The following RAPGEF6 variants were observed in gnomAD, a reference collection of about 807,000 sequenced individuals.
The protein encoded by RAPGEF6 is PDZ domain containing guanine nucleotide exchange factor (GEF) 2.
RAPGEF6 carries 56 observed loss-of-function variants against 171.4 expected under a neutral mutation model. The observed-to-expected ratio is 0.33, with a 90% confidence interval of 0.26 to 0.41. RAPGEF6 has a LOEUF of 0.41. Among genes scored for constraint, RAPGEF6 ranks in the 10% least tolerant of loss-of-function variants. RAPGEF6 has a pLI of 1.00. For synonymous variants in RAPGEF6, 692 were observed against 650.1 expected, an observed-to-expected ratio of 1.06 and a Z score of -0.98; for missense variants, 1,674 against 1,921.4, an observed-to-expected ratio of 0.87 and a Z score of 2.41.
rs1421893250 is a variant in RAPGEF6 at position 131,592,375 on chromosome 5, A to G, written c.281+8T>C. ...ACTTTGCCTGCCATATAGCAAATGT[A>G]AACGTACCTGCAAGGAGGCAAGACC... On this transcript the variant is annotated splice_region_variant and intron_variant, in intron 4 of 27. Transcript: ENST00000509018. The G allele has an allele frequency of 6.2e-7, 1 of 1,612,790 alleles. No individual in the cohort carries two copies. Among genetic ancestry groups the G allele is most frequent in the African/African-American group, 1.3e-5 (1 of 74,910 alleles).
chr5:131,510,586 TAA>T (rs1757654983), intron 7 of RAPGEF6, 95 bp from the exon 8 acceptor site: 4 of 1,206,308 alleles, frequency 3.3e-6, no homozygotes, highest in Middle Eastern at 2.2e-4. Flanking sequence ...CTACAAAATA[TAA>T]AAGACTTGGG....
intron 5 of RAPGEF6, among the ~76,000 whole-genome samples, chr5:131,548,908 A>G (rs1001210234): frequency 3.4e-5 from 5 of 148,214 alleles, no homozygotes; most frequent in East Asian, 1.9e-4. Context: ...CTACAGGGGG[A>G]AAAAAATAAG....
rs777875874 is a variant in RAPGEF6, at chr5:131,461,734, C to G, written c.2835G>C (p.Lys945Asn). The G allele has an allele frequency of 1.6e-5, 25 of 1,601,760 alleles. No individual in the cohort carries two copies. The highest frequency in any genetic ancestry group is 2.1e-5 in the Non-Finnish European group (25 of 1,170,442). The change falls in exon 19 of 28, where the codon AAG becomes AAC. Residue 945 changes from lysine to asparagine, a missense_variant. Physicochemically the swap from Lys to Asn is moderately conservative, Grantham distance 94 (BLOSUM62 0). Around this residue, in one of 3 missense-constraint regions of RAPGEF6, gnomAD observed 1,116 missense variants for 1,321.5 expected, o/e 0.84. Transcript: ENST00000509018. ...TTATTGCAAACATGGAATTGAAGTT[C>G]TTACATTCTCGACAATGAAGTGCAA... ...IKIALHCREC[K>N]NFNSMFAIIS...
chr5:131,551,178 G>A (rs1266478011), intron 5 of RAPGEF6, among the ~76,000 whole-genome samples: 1 of 152,124 alleles, frequency 6.6e-6, no homozygotes, highest in Non-Finnish European at 1.5e-5. Context: ...CTATTACATA[G>A]CTACTTTTCC....
intron 4 of RAPGEF6, among the ~76,000 whole-genome samples, chr5:131,579,002 A>C (rs1762767579): frequency 6.6e-6 from 1 of 152,058 alleles, no homozygotes; most frequent in Admixed American, 6.5e-5. Context: ...TGAGTGTTAC[A>C]GTTCTTAAAG....
intron 17 of RAPGEF6, chr5:131,469,925 G>T: frequency 2.5e-6 from 2 of 815,256 alleles, no homozygotes; most frequent in Non-Finnish European, 3.8e-6. Flanking sequence ...CTTTGAAAAT[G>T]AAGGATAAAT....
intron 4 of RAPGEF6, among the ~76,000 whole-genome samples, chr5:131,571,212 G>A (rs1762259864): frequency 1.3e-5 from 2 of 151,966 alleles, no homozygotes; most frequent in Admixed American, 6.6e-5. Flanking sequence ...AAAATGCTGC[G>A]ATTACAGGTG....
At chr5:131,578,083 T>C (rs187295709) in intron 4 of RAPGEF6, among the ~76,000 whole-genome samples, 1 of 152,212 alleles carries the variant, frequency 6.6e-6, no homozygotes. Flanking sequence ...TAACTGATTA[T>C]CTTCTGGTTT....
intron 6 of RAPGEF6, among the ~76,000 whole-genome samples, chr5:131,529,425 G>C (rs917204246): frequency 6.6e-6 from 1 of 150,476 alleles, no homozygotes; most frequent in Admixed American, 6.6e-5. Flanking sequence ...GCAGTGAGCG[G>C]AGATTGCACC....
chr5:131,635,011 G>A lies in RAPGEF6; in HGVS notation c.20C>T (p.Pro7Leu). 1 of 1,612,892 alleles carries A rather than the reference G, an allele frequency of 6.2e-7. No individual in the cohort carries two copies. The highest frequency in any genetic ancestry group is 8.5e-7 in the Non-Finnish European group (1 of 1,179,096). The change falls in exon 1 of 28, where the codon CCT becomes CTT. Residue 7 changes from proline (P) to leucine (L), a missense_variant. Physicochemically the swap from Pro to Leu is moderately conservative, Grantham distance 98. Around this residue, in one of 3 missense-constraint regions of RAPGEF6, gnomAD observed 1,116 missense variants for 1,321.5 expected, o/e 0.84. Coordinates refer to ENST00000509018, the MANE Select transcript of RAPGEF6 (RefSeq NM_016340.6). ...CTTCCTCAACGCCTGCCTAGCGCCA[G>A]GGTCCACGGGTGAGTTCATGGCCAC... MNSPVDPGARQALRKKP... is the reference protein window; with the variant it reads MNSPVDLGARQALRKKP...
rs1349879765 is a variant in RAPGEF6 at position 131,635,228 on chromosome 5, C to T, written c.-198G>A. The T allele has an allele frequency of 1.8e-6, 1 of 559,912 alleles. No individual in the cohort carries two copies. Among genetic ancestry groups the T allele is most frequent in the East Asian group, 3.1e-5 (1 of 32,404 alleles). The allele number at this position is 559,912 out of a possible 1,614,324, so 34.7% of individuals were successfully genotyped here. A position where few individuals can be genotyped will look rare whatever the true frequency, so the allele number is the denominator to read the frequency against. On this transcript the variant is annotated 5_prime_UTR_variant, in exon 1 of 28. Coordinates refer to ENST00000509018, the MANE Select transcript of RAPGEF6 (RefSeq NM_016340.6). ...CACGCGCGACTGGCCGGAGACAAGT[C>T]TGCGCGGGGGCGGGGGAGAGTAAGT...
intron 11 of RAPGEF6, among the ~76,000 whole-genome samples, chr5:131,500,982 G>A (rs571564848): frequency 6.6e-5 from 10 of 152,056 alleles, no homozygotes; most frequent in South Asian, 4.2e-4. Flanking sequence ...GGCCAGGTGC[G>A]GTGGCTCACA....
intron 17 of RAPGEF6, among the ~76,000 whole-genome samples, chr5:131,470,172 G>A (rs1451937796): frequency 1.3e-5 from 2 of 152,070 alleles, no homozygotes; most frequent in East Asian, 1.9e-4. Context: ...AAAAATATAA[G>A]TTAAATACCT....
At chr5:131,447,400 A>G (rs1475283337) in intron 21 of RAPGEF6, 1 of 152,192 alleles carries the variant, frequency 6.6e-6, no homozygotes, top group African/African-American at 2.4e-5. Context: ...TCACTTTTGT[A>G]ATGCCTGTGA....
chr5:131,435,317 C>T (rs1175179783), intron 24 of RAPGEF6, among the ~76,000 whole-genome samples: 4 of 152,102 alleles, frequency 2.6e-5, no homozygotes, highest in Non-Finnish European at 4.4e-5. Flanking sequence ...TGTCAATGTC[C>T]ATGAGCTGAT....
intron 5 of RAPGEF6, among the ~76,000 whole-genome samples, chr5:131,555,546 C>A (rs1472950738): frequency 6.6e-6 from 1 of 151,852 alleles, no homozygotes; most frequent in Non-Finnish European, 1.5e-5. Context: ...TTTATTTATG[C>A]ATCTATTAGT....
At chr5:131,499,310 G>A (rs1054172392) in intron 11 of RAPGEF6, among the ~76,000 whole-genome samples, 1 of 152,130 alleles carries the variant, frequency 6.6e-6, no homozygotes, top group African/African-American at 2.4e-5. Flanking sequence ...TGGGCGTGGT[G>A]TGGCTCATGC....
intron 1 of RAPGEF6, among the ~76,000 whole-genome samples, chr5:131,625,997 A>G (rs938976303): frequency 1.4e-4 from 21 of 152,206 alleles, no homozygotes; most frequent in African/African-American, 5.1e-4. Flanking sequence ...CAAAATGCTC[A>G]CATAGTAGTC....
intron 6 of RAPGEF6, among the ~76,000 whole-genome samples, chr5:131,527,524 A>G (rs1758961703): frequency 6.6e-6 from 1 of 152,154 alleles, no homozygotes; most frequent in African/African-American, 2.4e-5. Context: ...CACTTTGGGG[A>G]GCAAATGTAA....
Sources: gnomAD v4.1 joint callset for allele counts (sites outside exome capture counted in the v4.1 genomes callset) on GRCh38, gnomAD v4.1.1 for gene constraint, gnomAD v4.1.1 regional missense constraint, MANE v1.5 for transcripts, NCBI Gene and HGNC (gene_info 2026-07-23, HGNC 2026-07-21) for gene names.